The following SGIP1 variants were observed in gnomAD, a reference collection of about 807,000 sequenced individuals.
The protein encoded by SGIP1 is SH3GL interacting endocytic adaptor 1.
Under a neutral mutation model 107.5 loss-of-function variants are expected in SGIP1, and 38 were observed. That is an observed-to-expected ratio of 0.35 (90% CI 0.27 to 0.46). The LOEUF is 0.46. Among genes scored for constraint, SGIP1 ranks in the 20% least tolerant of loss-of-function variants. SGIP1 has a pLI of 1.00. For synonymous variants in SGIP1, 365 were observed against 366.1 expected (o/e 1.00, Z 0.03); for missense variants, 929 against 1,019.5 (o/e 0.91, Z 1.21).
chr1:66,682,086 T>C lies in SGIP1; in HGVS notation c.1032T>C (p.Ala344=). The C allele has an allele frequency of 6.2e-7, 1 of 1,614,204 alleles. No individual in the cohort carries two copies. The highest frequency in any genetic ancestry group is 8.5e-7 in the Non-Finnish European group (1 of 1,180,026). The change falls in exon 15 of 25, where the codon GCT becomes GCC. Residue 344 remains alanine (A), a synonymous_variant. Transcript: ENST00000371037. ...VSPPATPDNP[A]DSPAPGPLGP... is the part of the protein sequence containing the mutation. Reference sequence around the variant, plus strand: ...CACCAGCTACACCAGACAACCCAGCTGACTCCCCAGCTCCAGGCCCTCTCG... The same window carrying C: ...CACCAGCTACACCAGACAACCCAGCCGACTCCCCAGCTCCAGGCCCTCTCG...
At chr1:66,590,171 T>G (rs1374587920) in intron 1 of SGIP1, among the ~76,000 whole-genome samples, 2 of 152,204 alleles carry the variant, frequency 1.3e-5, no homozygotes, top group Non-Finnish European at 2.9e-5. Flanking sequence ...TCATACTCAT[T>G]TTGAGAAATG....
intron 7 of SGIP1, among the ~76,000 whole-genome samples, chr1:66,659,507 G>A (rs529399327): frequency 1.3e-5 from 2 of 152,162 alleles, no homozygotes; most frequent in Non-Finnish European, 2.9e-5. Context: ...TTTCATGACC[G>A]TGCCCAGCTA....
chr1:66,572,702 C>A (rs575640779), intron 1 of SGIP1, among the ~76,000 whole-genome samples: 1 of 152,062 alleles, frequency 6.6e-6, no homozygotes, highest in Admixed American at 6.6e-5. Context: ...TAAAATATAA[C>A]CCACAAGACT....
intron 13 of SGIP1, 73 bp downstream of exon 13, chr1:66,677,169 G>A (rs6689451): frequency 0.085 from 101,841 of 1,203,590 alleles, 4,992 homozygotes; most frequent in Non-Finnish European, 0.099. Context: ...GTGAAATTAG[G>A]CAACTCTTAA....
rs894708301 is a variant in SGIP1 at position 66,747,794 on chromosome 1, T to G, written c.*4699T>G. 1.8e-4 allele frequency: 28 copies of G among 151,968 alleles called. No individual in the cohort carries two copies. The highest frequency in any genetic ancestry group is 6.8e-4 in the African/African-American group (28 of 41,426). 9.4% of individuals were successfully genotyped at this position (151,968 alleles called of 1,614,324 possible). A position where few individuals can be genotyped will look rare whatever the true frequency, so the allele number is the denominator to read the frequency against. On this transcript the variant is annotated 3_prime_UTR_variant, in exon 25 of 25. Coordinates refer to ENST00000371037, the MANE Select transcript of SGIP1 (RefSeq NM_032291.4). ...TGAGTGTGTGTGTATGTGTCTGTGT[T>G]TAAGCTTTTCCTTTTCCAAAAGATT... is the stretch of plus-strand genomic sequence containing the variant.
Position 66,557,040 on chromosome 1 carries a change from T to C in SGIP1, c.10+22672T>C, listed in dbSNP as rs527277416. The stretch of plus-strand genomic sequence containing the variant: ...TGCGCTTTAGGATCACAACAAGGAG[T>C]AATTTGTAGGTACCCTGAGATGTGA... On this transcript the variant is annotated intron_variant, in intron 1 of 24. Coordinates refer to ENST00000371037, the MANE Select transcript of SGIP1 (RefSeq NM_032291.4). 7.2e-5 allele frequency among the ~76,000 whole-genome samples: 11 copies of C among 152,134 alleles called. No homozygotes were observed. In the South Asian group the frequency reaches 8.3e-4, roughly 11 times the overall value.
chr1:66,661,612 CAG>C (rs750567935), intron 8 of SGIP1, among the ~76,000 whole-genome samples: 1 of 152,184 alleles, frequency 6.6e-6, no homozygotes, highest in Non-Finnish European at 1.5e-5. Context: ...CTGAGTAATT[CAG>C]AGTCAACTAT....
At chr1:66,634,044 G>C (rs760029874) in intron 3 of SGIP1, 3 of 1,534,986 alleles carry the variant, frequency 2.0e-6, no homozygotes, top group South Asian at 1.2e-5. Context: ...AAATTGATCA[G>C]ACATTGGGTA....
chr1:66,682,546 G>T (rs1358044721), intron 15 of SGIP1, among the ~76,000 whole-genome samples, 177 bp downstream of exon 15: 1 of 152,122 alleles, frequency 6.6e-6, no homozygotes, highest in African/African-American at 2.4e-5. Context: ...TCACAGTCAT[G>T]GTCCAAGTCT....
intron 2 of SGIP1, among the ~76,000 whole-genome samples, chr1:66,632,650 C>A (rs575376032): frequency 6.6e-6 from 1 of 152,282 alleles, no homozygotes; most frequent in East Asian, 1.9e-4. Context: ...CAGACCCCAT[C>A]TCTCAAAAAT....
chr1:66,590,466 A>T (rs1191284542), intron 1 of SGIP1: 1 of 152,048 alleles, frequency 6.6e-6, no homozygotes, highest in Non-Finnish European at 1.5e-5. Context: ...TTTACTTTTT[A>T]CAGAGATGTG....
At chr1:66,549,776 C>T (rs530229821) in intron 1 of SGIP1, among the ~76,000 whole-genome samples, 42 of 152,280 alleles carry the variant, frequency 2.8e-4, no homozygotes, top group African/African-American at 1.0e-3. Context: ...CCCCTGCCAG[C>T]TTGCCTAGTT....
At chr1:66,622,183 A>G (rs931809252) in intron 1 of SGIP1, among the ~76,000 whole-genome samples, 30 of 152,224 alleles carry the variant, frequency 2.0e-4, no homozygotes, top group Admixed American at 1.8e-3. Flanking sequence ...GCTGGGGAGT[A>G]CTGGAGTAAG....
At chr1:66,669,153 C>T (rs2083225043) in intron 9 of SGIP1, among the ~76,000 whole-genome samples, 1 of 152,160 alleles carries the variant, frequency 6.6e-6, no homozygotes, top group African/African-American at 2.4e-5. Flanking sequence ...ATATTTCTGC[C>T]ATGTTTTGGT....
chr1:66,598,743 G>A (rs955555799), intron 1 of SGIP1, among the ~76,000 whole-genome samples: 1 of 152,108 alleles, frequency 6.6e-6, no homozygotes, highest in East Asian at 1.9e-4. Flanking sequence ...GAACATCACC[G>A]AAGAGATGGT....
Position 66,744,237 on chromosome 1 carries a change from AATTTCCTTTT to A in SGIP1, c.*1143_*1152del, listed in dbSNP as rs1557840625. The A allele has an allele frequency of 6.6e-6, 1 of 152,208 alleles. No individual in the cohort carries two copies. Among genetic ancestry groups the A allele is most frequent in the Non-Finnish European group, 1.5e-5 (1 of 68,004 alleles). The allele number at this position is 152,208 out of a possible 1,614,324, so 9.4% of individuals were successfully genotyped here. On this transcript the variant is annotated 3_prime_UTR_variant, in exon 25 of 25. Coordinates refer to ENST00000371037, the MANE Select transcript of SGIP1 (RefSeq NM_032291.4). The stretch of plus-strand genomic sequence containing the variant: ...ATTCTATTCACATTACTGTGTAATA[AATTTCCTTTT>A]GGATGATTAGGATTCATTGTATAAA...
rs570288225 is a variant in SGIP1, at chr1:66,663,632, A to G, written c.471+3108A>G. On this transcript the variant is annotated intron_variant, in intron 8 of 24. Transcript: ENST00000371037. ...GAGGCTTTCTGGGTCTGTACTTTGC[A>G]CAGCTTCTAGCTGTGTCTTTTGGGT... 1.3e-4 allele frequency among the ~76,000 whole-genome samples: 20 copies of G among 152,248 alleles called. No homozygotes were observed. The East Asian group carries it at 3.3e-3, about 25-fold the overall frequency.
chr1:66,724,590 T>C (rs1000508211), intron 19 of SGIP1, among the ~76,000 whole-genome samples: 2 of 152,192 alleles, frequency 1.3e-5, no homozygotes, highest in African/African-American at 4.8e-5. Context: ...TCCCACCTTC[T>C]ACCCAACACT....
chr1:66,626,375 A>G (rs939457263), intron 2 of SGIP1, among the ~76,000 whole-genome samples: 1 of 152,174 alleles, frequency 6.6e-6, no homozygotes, highest in African/African-American at 2.4e-5. Flanking sequence ...AAGATTTTGT[A>G]CAAGCCAAAT....
Sources: gnomAD v4.1 joint callset for allele counts (sites outside exome capture counted in the v4.1 genomes callset) on GRCh38, gnomAD v4.1.1 for gene constraint, MANE v1.5 for transcripts, NCBI Gene and HGNC (gene_info 2026-07-23, HGNC 2026-07-21) for gene names.